Variants in NPFFR2 observed in about 807,000 individuals in gnomAD.
NPFFR2 encodes neuropeptide FF receptor 2.
NPFFR2 carries 15 observed loss-of-function variants against 13.1 expected under a neutral mutation model. The ratio of observed to expected loss-of-function variants is 1.15; its 90% CI spans 0.77 to 1.76. The LOEUF is 1.76. Ranked by LOEUF, NPFFR2 falls within the 40% of genes most tolerant of loss-of-function variation. The pLI is 0.00. For synonymous variants in NPFFR2, 190 were observed against 175.7 expected, an observed-to-expected ratio of 1.08 and a Z score of -0.65; for missense variants, 572 against 503.5, an observed-to-expected ratio of 1.14 and a Z score of -1.30.
intron 2 of NPFFR2, among the ~76,000 whole-genome samples, chr4:72,131,126 A>G (rs745491232): frequency 3.9e-4 from 59 of 151,854 alleles, no homozygotes; most frequent in Non-Finnish European, 7.6e-4. Flanking sequence ...TGCCATTGGA[A>G]CCTGGGGTTT....
chr4:72,089,997 G>A (rs1271231509), intron 1 of NPFFR2, among the ~76,000 whole-genome samples: 1 of 152,048 alleles, frequency 6.6e-6, no homozygotes, highest in Non-Finnish European at 1.5e-5. Flanking sequence ...TTTGATTTTT[G>A]TATAAGGTGA....
At chr4:72,099,452 C>T (rs188994375) in intron 1 of NPFFR2, among the ~76,000 whole-genome samples, 120 of 152,256 alleles carry the variant, frequency 7.9e-4, no homozygotes, top group Non-Finnish European at 1.4e-3. Flanking sequence ...GCTCAGGGTT[C>T]TGCAGGCTGT....
intron 1 of NPFFR2, among the ~76,000 whole-genome samples, chr4:72,127,975 G>C (rs1224608572): frequency 1.3e-5 from 2 of 151,930 alleles, no homozygotes; most frequent in African/African-American, 2.4e-5. Flanking sequence ...AGCTACTTGG[G>C]GGGTGAGGCA....
At chr4:72,146,846 A>G in intron 3 of NPFFR2, 132 bp from the exon 4 acceptor site, 2 of 660,222 alleles carry the variant, frequency 3.0e-6, no homozygotes, top group Non-Finnish European at 5.3e-6. Context: ...CCTTTCTACT[A>G]CAAATGGTAA....
intron 1 of NPFFR2, among the ~76,000 whole-genome samples, chr4:72,125,609 C>T (rs1156934462): frequency 6.6e-6 from 1 of 152,180 alleles, no homozygotes; most frequent in Non-Finnish European, 1.5e-5. Flanking sequence ...TAAGGCTCTA[C>T]AGAAGAATCT....
intron 1 of NPFFR2, among the ~76,000 whole-genome samples, chr4:72,040,927 A>AAT (rs61548490): frequency 0.02 from 2,964 of 146,760 alleles, 62 homozygotes; most frequent in African/African-American, 0.058. Flanking sequence ...ACTGCTGTAA[A>AAT]ATATATATAT....
intron 1 of NPFFR2, among the ~76,000 whole-genome samples, chr4:72,077,858 T>C (rs1023297442): frequency 6.6e-6 from 1 of 152,098 alleles, no homozygotes; most frequent in African/African-American, 2.4e-5. Context: ...TTGTAAAAAA[T>C]AGATTTGCCT....
chr4:72,083,671 CCTT>C (rs1378404308), intron 1 of NPFFR2, among the ~76,000 whole-genome samples: 4 of 152,098 alleles, frequency 2.6e-5, no homozygotes, highest in Non-Finnish European at 5.9e-5. Context: ...TTCTCATCGA[CCTT>C]CTTTTCATAG....
intron 1 of NPFFR2, among the ~76,000 whole-genome samples, chr4:72,035,783 G>C (rs1189296120): frequency 6.6e-6 from 1 of 152,100 alleles, no homozygotes; most frequent in Non-Finnish European, 1.5e-5. Flanking sequence ...AAAATTTAAA[G>C]TTTTCAAATG....
chr4:72,104,431 T>C (rs1721355572), intron 1 of NPFFR2, among the ~76,000 whole-genome samples: 1 of 152,082 alleles, frequency 6.6e-6, no homozygotes, highest in South Asian at 2.1e-4. Context: ...CAAGATAATG[T>C]ATAGTGAACT....
chr4:72,106,289 C>G (rs373644753), intron 1 of NPFFR2, among the ~76,000 whole-genome samples: 1 of 152,062 alleles, frequency 6.6e-6, no homozygotes, highest in South Asian at 2.1e-4. Flanking sequence ...TGGTGTCACT[C>G]GCCAACTGAC....
intron 3 of NPFFR2, among the ~76,000 whole-genome samples, chr4:72,143,951 T>A (rs1722704251): frequency 6.6e-6 from 1 of 152,174 alleles, no homozygotes; most frequent in Non-Finnish European, 1.5e-5. Flanking sequence ...TACCTTCCCA[T>A]TAATGAATGA....
At chr4:72,085,101 CTAAGAG>C (rs1458790468) in intron 1 of NPFFR2, among the ~76,000 whole-genome samples, 2 of 151,878 alleles carry the variant, frequency 1.3e-5, no homozygotes, top group African/African-American at 4.8e-5. Context: ...GGTAAATCTT[CTAAGAG>C]TAAAACTAGA....
chr4:72,098,720 A>C (rs2109807914), intron 1 of NPFFR2, among the ~76,000 whole-genome samples: 1 of 152,300 alleles, frequency 6.6e-6, no homozygotes, highest in Admixed American at 6.5e-5. Context: ...TGACACAGGG[A>C]TCTGGGCTTC....
chr4:72,098,109 G>A (rs1030160275), intron 1 of NPFFR2, among the ~76,000 whole-genome samples: 2 of 152,146 alleles, frequency 1.3e-5, no homozygotes, highest in African/African-American at 4.8e-5. Context: ...CCAACATAAA[G>A]TAAGAGCTCA....
At chr4:72,072,550 G>A (rs571475012) in intron 1 of NPFFR2, among the ~76,000 whole-genome samples, 1 of 152,066 alleles carries the variant, frequency 6.6e-6, no homozygotes, top group Non-Finnish European at 1.5e-5. Flanking sequence ...GAAATAAAGT[G>A]GACAGAGACT....
chr4:72,068,853 T>TA (rs1392611986), intron 1 of NPFFR2: 12 of 294,356 alleles, frequency 4.1e-5, no homozygotes, highest in Non-Finnish European at 5.4e-5. Flanking sequence ...TTTTTTTTTT[T>TA]ATCTTATCTT....
At position 72,070,820 on chromosome 4, in the gene NPFFR2, G is replaced by A. The variant is rs193139433; in HGVS notation, c.-8+38620G>A. Among the ~76,000 whole-genome samples, 12 of 152,228 alleles carry A rather than the reference G, an allele frequency of 7.9e-5. No homozygotes were observed. In the East Asian group the frequency reaches 2.1e-3, roughly 27 times the overall value. On this transcript the variant is annotated intron_variant, in intron 1 of 3. Coordinates refer to ENST00000308744, the MANE Select transcript of NPFFR2 (RefSeq NM_004885.3). ...TGTAGTACTAAGGGGTGGATGCATA[G>A]CAATAGGTTTAATGATTGAAAACGT... is the stretch of plus-strand genomic sequence containing the variant.
chr4:72,033,845 C>T (rs961665875), intron 1 of NPFFR2, among the ~76,000 whole-genome samples: 1 of 152,038 alleles, frequency 6.6e-6, no homozygotes, highest in African/African-American at 2.4e-5. Context: ...CACTATAAAC[C>T]AATGAATGAT....
Sources: allele counts gnomAD v4.1 joint callset (sites outside exome capture counted in the v4.1 genomes callset), GRCh38; gene constraint gnomAD v4.1.1; transcripts MANE v1.5; gene names NCBI Gene and HGNC (gene_info 2026-07-23, HGNC 2026-07-21).